Variants in SLC3A1 observed in about 807,000 individuals in gnomAD.
The protein encoded by SLC3A1 is amino acid transporter heavy chain SLC3A1.
In SLC3A1, 78 loss-of-function variants were observed where a neutral mutation model predicts 60.3. The observed-to-expected ratio is 1.29, with a 90% CI of 1.08 to 1.56. The LOEUF is 1.56. SLC3A1 is among the 40% of genes most tolerant of loss of function. The pLI, the probability that SLC3A1 is intolerant of heterozygous loss-of-function variation, is 0.00. For synonymous variants in SLC3A1, 392 were observed against 307.9 expected (o/e 1.27, Z -2.86); for missense variants, 1,172 against 858.9 (o/e 1.36, Z -4.56).
At chr2:44,307,187 C>T (rs1011259442) in intron 7 of SLC3A1, among the ~76,000 whole-genome samples, 12 of 152,122 alleles carry the variant, frequency 7.9e-5, no homozygotes, top group Non-Finnish European at 1.3e-4. Flanking sequence ...TACATCGTTC[C>T]TTTTTATGGC....
chr2:44,305,154 G>T, intron 7 of SLC3A1, among the ~76,000 whole-genome samples: 1 of 152,046 alleles, frequency 6.6e-6, no homozygotes, highest in East Asian at 1.9e-4. Flanking sequence ...TTCAAGACTG[G>T]CAATACATTA....
chr2:44,281,565 A>G (rs1671500746), intron 3 of SLC3A1, 24 bp downstream of exon 3: 3 of 1,612,492 alleles, frequency 1.9e-6, no homozygotes, highest in Non-Finnish European at 2.5e-6. Flanking sequence ...TGTCTGACTT[A>G]CAAAGGGGTA....
Position 44,304,168 on chromosome 2 carries a change from G to T in SLC3A1, c.1162G>T (p.Glu388Ter). The change falls in exon 7 of 10, where the codon GAG (glutamate) becomes TAG (stop). Residue 388 changes from glutamate (E) to a stop codon, truncating the protein, a stop_gained. Transcript: ENST00000260649. LOFTEE classifies it high-confidence loss of function. ...YRFMGTEAYAESIDRTVMYYG... is the reference protein window; with the variant it reads ...YRFMGTEAYA ...GTTCATGGGGACTGAAGCCTATGCA[G>T]AGAGTATTGACAGGACCGTGATGTA... The T allele has an allele frequency of 6.2e-7, 1 of 1,614,124 alleles. No individual in the cohort carries two copies.
At position 44,299,965 on chromosome 2, in the gene SLC3A1, C is replaced by G. The variant is rs114640930; in HGVS notation, c.892-6C>G. ...GTAACCAAGCATTTTGCTTCTTCAT[C>G]TTTAGGAAATTTTACGGTTCTGGCT... On this transcript the variant is annotated splice_region_variant and splice_polypyrimidine_tract_variant and intron_variant, in intron 4 of 9. Coordinates refer to ENST00000260649, the MANE Select transcript of SLC3A1 (RefSeq NM_000341.4). 1.1e-3 allele frequency: 1,850 copies of G among 1,613,974 alleles called. 20 individuals carry two copies. The African/African-American group carries it at 0.022, about 19-fold the overall frequency.
rs1232611906 is a variant in SLC3A1 at position 44,320,669 on chromosome 2, C to T, written c.*30C>T. 1 of 1,544,332 alleles carries T rather than the reference C, an allele frequency of 6.5e-7. No homozygotes were observed. The highest frequency in any genetic ancestry group is 2.2e-5 in the East Asian group (1 of 44,560). ...CTTTATGAAGAGATGAAGACACTGGCATTTCAGTGGGATTGTAAGCATTTG... is the reference window on the plus strand; with the variant it reads ...CTTTATGAAGAGATGAAGACACTGGTATTTCAGTGGGATTGTAAGCATTTG... On this transcript the variant is annotated 3_prime_UTR_variant, in exon 10 of 10. Transcript: ENST00000260649.
chr2:44,299,998 G>A lies in SLC3A1; in HGVS notation c.919G>A (p.Gly307Ser), dbSNP rs200248046. 2 of 1,614,022 alleles carry A rather than the reference G, an allele frequency of 1.2e-6. No homozygotes were observed. The highest frequency in any genetic ancestry group is 2.2e-5 in the South Asian group (2 of 91,084). ...KEILRFWLTK[G>S]VDGFSLDAVK... ...AATTTTACGGTTCTGGCTCACAAAG[G>A]GTGTTGATGGTTTTAGTTTGGATGC... Residue 307 changes from glycine (G) to serine (S), a missense_variant, in exon 5 of 10, where the codon GGT becomes AGT. Coordinates refer to ENST00000260649, the MANE Select transcript of SLC3A1 (RefSeq NM_000341.4).
rs1329708434 is a variant in SLC3A1, at chr2:44,320,666, T to C, written c.*27T>C. The C allele has an allele frequency of 1.9e-6, 3 of 1,570,646 alleles. No individual in the cohort carries two copies. Among genetic ancestry groups the C allele is most frequent in the South Asian group, 1.1e-5 (1 of 90,074 alleles). On this transcript the variant is annotated 3_prime_UTR_variant, in exon 10 of 10. Coordinates refer to ENST00000260649, the MANE Select transcript of SLC3A1 (RefSeq NM_000341.4). ...CACCTTTATGAAGAGATGAAGACAC[T>C]GGCATTTCAGTGGGATTGTAAGCAT... is the stretch of plus-strand genomic sequence containing the variant.
chr2:44,319,919 A>C (rs569078123), intron 9 of SLC3A1: 3 of 370,102 alleles, frequency 8.1e-6, no homozygotes, highest in African/African-American at 6.2e-5. Context: ...TGGGACTCCT[A>C]AAGTGGAGTC....
At chr2:44,316,267 TTAAATA>T (rs1672448858) in intron 9 of SLC3A1, 1 of 152,154 alleles carries the variant, frequency 6.6e-6, no homozygotes, top group Non-Finnish European at 1.5e-5. Flanking sequence ...AACATAAGAC[TTAAATA>T]TAAGTATAAA....
chr2:44,317,233 C>T (rs1472249027), intron 9 of SLC3A1, among the ~76,000 whole-genome samples: 2 of 152,144 alleles, frequency 1.3e-5, no homozygotes, highest in African/African-American at 4.8e-5. Flanking sequence ...GAGGCCAAGA[C>T]TGGAGGATCA....
rs941044047 is a variant in SLC3A1, at chr2:44,312,856, C to T, written c.1500+103C>T. On this transcript the variant is annotated intron_variant, in intron 8 of 9. Coordinates refer to ENST00000260649, the MANE Select transcript of SLC3A1 (RefSeq NM_000341.4). The stretch of plus-strand genomic sequence containing the variant: ...AACTTACTATCTCTCTATTGCATTG[C>T]TGAAAATCATGGTTACTTTGCTTTT... 5.4e-5 allele frequency: 50 copies of T among 917,442 alleles called. 1 individual carries two copies. The highest frequency in any genetic ancestry group is 3.4e-4 in the South Asian group (24 of 69,624). The allele number at this position is 917,442 out of a possible 1,614,324, so 56.8% of individuals were successfully genotyped here.
chr2:44,310,802 C>T (rs1672276194), intron 7 of SLC3A1, among the ~76,000 whole-genome samples: 1 of 149,468 alleles, frequency 6.7e-6, no homozygotes. Flanking sequence ...CTCTGAGAGT[C>T]TGGTTTTTTT....
chr2:44,316,880 A>G (rs575557309), intron 9 of SLC3A1, among the ~76,000 whole-genome samples: 2 of 152,358 alleles, frequency 1.3e-5, no homozygotes, highest in African/African-American at 4.8e-5. Context: ...ACTATCCAAC[A>G]AAACATAACA....
intron 6 of SLC3A1, among the ~76,000 whole-genome samples, chr2:44,303,267 A>G (rs1194972495): frequency 6.8e-6 from 1 of 147,486 alleles, no homozygotes; most frequent in Admixed American, 6.7e-5. Context: ...TTTTTTAAAG[A>G]CATTCTCACT....
At chr2:44,288,740 G>A (rs967413398) in intron 4 of SLC3A1, among the ~76,000 whole-genome samples, 1 of 152,220 alleles carries the variant, frequency 6.6e-6, no homozygotes, top group Non-Finnish European at 1.5e-5. Context: ...AATGGCTAAA[G>A]ACGTTGAACA....
At position 44,320,257 on chromosome 2, in the gene SLC3A1, A is replaced by T. The variant is rs1310786029; in HGVS notation, c.1676A>T (p.His559Leu). 1 of 1,614,148 alleles carries T rather than the reference A, an allele frequency of 6.2e-7. No homozygotes were observed. Residue 559 changes from histidine (H) to leucine (L), a missense_variant, in exon 10 of 10, where the codon CAT (histidine) becomes CTT (leucine). By Grantham distance (99) the His-to-Leu change is moderately conservative. Coordinates refer to ENST00000260649, the MANE Select transcript of SLC3A1 (RefSeq NM_000341.4). Reference sequence around the variant, plus strand: ...TTATATCAAGATTTAAGTCTACTTCATGCCAATGAGCTACTCCTCAACAGG... The same window carrying T: ...TTATATCAAGATTTAAGTCTACTTCTTGCCAATGAGCTACTCCTCAACAGG... Reference protein sequence around the residue: ...LKLYQDLSLLHANELLLNRGW... With the variant: ...LKLYQDLSLLLANELLLNRGW...
At chr2:44,318,170 A>G (rs564026645) in intron 9 of SLC3A1, 2 of 432,746 alleles carry the variant, frequency 4.6e-6, no homozygotes, top group Non-Finnish European at 9.3e-6. Flanking sequence ...GGCACACTGC[A>G]GCCTCTGCTT....
intron 1 of SLC3A1, among the ~76,000 whole-genome samples, chr2:44,279,067 C>T (rs1273747506): frequency 6.6e-6 from 1 of 151,480 alleles, no homozygotes; most frequent in African/African-American, 2.4e-5. Context: ...GGCACAATCT[C>T]ACCTCACTAC....
intron 8 of SLC3A1, among the ~76,000 whole-genome samples, chr2:44,313,198 C>A (rs1254218475): frequency 6.6e-6 from 1 of 151,884 alleles, no homozygotes; most frequent in Non-Finnish European, 1.5e-5. Context: ...CACAAGGACC[C>A]TTTTCTTTTC....
Sources: allele counts gnomAD v4.1 joint callset (sites outside exome capture counted in the v4.1 genomes callset), GRCh38; gene constraint gnomAD v4.1.1; transcripts MANE v1.5; gene names NCBI Gene and HGNC (gene_info 2026-07-23, HGNC 2026-07-21).